RXFP1: variants seen among roughly 807,000 people sequenced by gnomAD.
The protein encoded by RXFP1 is relaxin receptor 1.
A neutral mutation model predicts 89.8 loss-of-function variants in RXFP1; 73 were observed. That is an observed-to-expected ratio of 0.81 (90% CI 0.67 to 0.99). The LOEUF (loss-of-function observed/expected upper bound fraction) is 0.99. Ranked by LOEUF, RXFP1 falls within the 50% of genes least tolerant of loss-of-function variation. RXFP1 has a pLI of 0.00. For missense variants in RXFP1, 793 were observed against 895.5 expected (o/e 0.89, Z 1.46); for synonymous variants, 277 against 305.5 (o/e 0.91, Z 0.97).
chr4:158,566,082 C>G (rs1249175324), intron 1 of RXFP1, among the ~76,000 whole-genome samples: 1 of 152,180 alleles, frequency 6.6e-6, no homozygotes, highest in Non-Finnish European at 1.5e-5. Flanking sequence ...AGGAGCGATT[C>G]CAAACCAGAT....
intron 14 of RXFP1, among the ~76,000 whole-genome samples, chr4:158,642,629 T>C (rs965744308): frequency 6.6e-6 from 1 of 152,228 alleles, no homozygotes; most frequent in African/African-American, 2.4e-5. Flanking sequence ...ATTCTTTTTT[T>C]ATAGCTGAAT....
chr4:158,599,023 G>C (rs561572379), intron 3 of RXFP1, among the ~76,000 whole-genome samples: 113 of 150,280 alleles, frequency 7.5e-4, no homozygotes, highest in Middle Eastern at 6.8e-3. Context: ...ATTGCAAAAT[G>C]AATGAAATAA....
chr4:158,593,397 T>C lies in RXFP1; in HGVS notation c.188-4T>C, dbSNP rs752000222. On this transcript the variant is annotated splice_region_variant and splice_polypyrimidine_tract_variant and intron_variant, in intron 2 of 17. Transcript: ENST00000307765. The stretch of plus-strand genomic sequence containing the variant: ...ACTTTTTTGTTCTCTGATTTTTATT[T>C]TAGGAGACAACAATGGATGGTCTCT... The C allele has an allele frequency of 6.3e-7, 1 of 1,594,674 alleles. No individual in the cohort carries two copies. Among genetic ancestry groups the C allele is most frequent in the Non-Finnish European group, 8.6e-7 (1 of 1,164,818 alleles).
chr4:158,644,930 C>G lies in RXFP1; in HGVS notation c.1137C>G (p.Tyr379Ter). 6.2e-7 allele frequency: 1 copy of G among 1,613,302 alleles called. No individual in the cohort carries two copies. Among genetic ancestry groups the G allele is most frequent in the Non-Finnish European group, 8.5e-7 (1 of 1,179,326 alleles). The change falls in exon 15 of 18, where the codon TAC becomes TAG. Residue 379 changes from tyrosine to a stop codon, truncating the protein, a stop_gained. Transcript: ENST00000307765. LOFTEE classifies it high-confidence loss of function. ...LSHIYFKKFQ[Y>*]CGYAPHVRSC... ...CCAGATATTTTAAGAAATTCCAGTA[C>G]TGTGGGTATGCACCACATGTTCGCA... is the stretch of plus-strand genomic sequence containing the variant.
Position 158,599,216 on chromosome 4 carries a change from T to C in RXFP1, c.287-110T>C, listed in dbSNP as rs778017732. The C allele has an allele frequency of 7.2e-6, 11 of 1,535,182 alleles. No individual in the cohort carries two copies. The South Asian group carries it at 1.3e-4, about 18-fold the overall frequency. ...TAAATTGCCTACGTAGCACATGATATGCTTTTGTACTAAATGATTTTCTCA... is the reference window on the plus strand; with the variant it reads ...TAAATTGCCTACGTAGCACATGATACGCTTTTGTACTAAATGATTTTCTCA... On this transcript the variant is annotated intron_variant, in intron 3 of 17. Transcript: ENST00000307765.
intron 6 of RXFP1, among the ~76,000 whole-genome samples, chr4:158,610,350 C>G (rs191188188): frequency 2.6e-5 from 4 of 152,236 alleles, no homozygotes; most frequent in African/African-American, 9.6e-5. Flanking sequence ...TTAACCCTCA[C>G]AGAGTGCACA....
At position 158,650,723 on chromosome 4, in the gene RXFP1, T is replaced by C. The variant is rs140288989; in HGVS notation, c.1976-1034T>C. Among the ~76,000 whole-genome samples, 951 of 152,134 alleles carry C rather than the reference T, an allele frequency of 6.3e-3. 6 individuals carry two copies. The highest frequency in any genetic ancestry group is 0.022 in the African/African-American group (906 of 41,516). On this transcript the variant is annotated intron_variant, in intron 17 of 17. Transcript: ENST00000307765. ...GGCAGAGACTTCAGTGAGCGGAGAT[T>C]GTGCCATTGCACTACAACCTGGGTG...
chr4:158,629,720 T>C lies in RXFP1; in HGVS notation c.899+1011T>C, dbSNP rs893888216. On this transcript the variant is annotated intron_variant, in intron 11 of 17. Coordinates refer to ENST00000307765, the MANE Select transcript of RXFP1 (RefSeq NM_021634.4). ...TAGCTCACCGTAACCTCGAACTCCT[T>C]GGACTCAAGTGATCCTCCCACCTCA... Among the ~76,000 whole-genome samples, 9 of 152,138 alleles carry C rather than the reference T, an allele frequency of 5.9e-5. No individual in the cohort carries two copies. In the East Asian group the frequency reaches 1.5e-3, roughly 26 times the overall value.
At chr4:158,583,986 G>A (rs1388504377) in intron 2 of RXFP1, among the ~76,000 whole-genome samples, 1 of 152,192 alleles carries the variant, frequency 6.6e-6, no homozygotes, top group Non-Finnish European at 1.5e-5. Flanking sequence ...GAATTGCTCT[G>A]CCTGGCCAGC....
chr4:158,551,075 A>G (rs1479087947), intron 1 of RXFP1, among the ~76,000 whole-genome samples: 2 of 151,344 alleles, frequency 1.3e-5, no homozygotes, highest in African/African-American at 4.9e-5. Flanking sequence ...AGTGTCCATC[A>G]ACAGATGATG....
At chr4:158,638,297 A>G (rs1240881927) in intron 13 of RXFP1, among the ~76,000 whole-genome samples, 6 of 152,204 alleles carry the variant, frequency 3.9e-5, no homozygotes, top group African/African-American at 1.4e-4. Flanking sequence ...ATTATTTTAT[A>G]TTTTTCTATA....
At chr4:158,547,801 T>C (rs1370753301) in intron 1 of RXFP1, among the ~76,000 whole-genome samples, 1 of 152,246 alleles carries the variant, frequency 6.6e-6, no homozygotes, top group Non-Finnish European at 1.5e-5. Context: ...TTGATCGCAC[T>C]GTGGTCTGAG....
At chr4:158,599,130 C>A in intron 3 of RXFP1, 196 bp from the exon 4 acceptor site, 1 of 720,816 alleles carries the variant, frequency 1.4e-6, no homozygotes, top group Non-Finnish European at 2.2e-6. Context: ...TGTTGATGCT[C>A]TACCATCATT....
At chr4:158,644,104 T>TG (rs1000426313) in intron 14 of RXFP1, among the ~76,000 whole-genome samples, 40 of 143,248 alleles carry the variant, frequency 2.8e-4, no homozygotes, top group African/African-American at 9.1e-4. Context: ...TGGAGTGCAG[T>TG]GGCACGATCT....
At chr4:158,566,431 T>C (rs1452455340) in intron 1 of RXFP1, among the ~76,000 whole-genome samples, 1 of 152,174 alleles carries the variant, frequency 6.6e-6, no homozygotes. Flanking sequence ...TGGTGCAATC[T>C]CGGCTCACTG....
intron 5 of RXFP1, 86 bp downstream of exon 5, chr4:158,605,225 C>G (rs143934930): frequency 1.5e-6 from 1 of 676,608 alleles, no homozygotes; most frequent in South Asian, 2.1e-5. Context: ...AACACCAACA[C>G]TATTCCGCTG....
intron 2 of RXFP1, among the ~76,000 whole-genome samples, chr4:158,587,144 C>T (rs932879882): frequency 3.3e-5 from 5 of 152,148 alleles, no homozygotes; most frequent in African/African-American, 9.7e-5. Flanking sequence ...GGAACATGAA[C>T]GTGGTGCACA....
intron 3 of RXFP1, among the ~76,000 whole-genome samples, chr4:158,595,525 A>G (rs1760380181): frequency 6.6e-6 from 1 of 152,242 alleles, no homozygotes; most frequent in Non-Finnish European, 1.5e-5. Context: ...TCAACAAAAT[A>G]TGAAATATTA....
At chr4:158,596,762 C>T (rs76146032) in intron 3 of RXFP1, among the ~76,000 whole-genome samples, 2,630 of 152,132 alleles carry the variant, frequency 0.017, 80 homozygotes, top group African/African-American at 0.06. Flanking sequence ...TGACTTCATC[C>T]GAAGCCTAGT....
Sources: gnomAD v4.1 joint callset for allele counts (sites outside exome capture counted in the v4.1 genomes callset) on GRCh38, gnomAD v4.1.1 for gene constraint, MANE v1.5 for transcripts, NCBI Gene and HGNC (gene_info 2026-07-23, HGNC 2026-07-21) for gene names.